ANKDD1A: variants seen among roughly 807,000 people sequenced by gnomAD.
The protein encoded by ANKDD1A is ankyrin repeat and death domain-containing protein 1A.
ANKDD1A carries 59 observed loss-of-function variants against 63.5 expected under a neutral mutation model. The ratio of observed to expected loss-of-function variants is 0.93; its 90% CI spans 0.75 to 1.15. The LOEUF is 1.15. Ranked by LOEUF, ANKDD1A falls within the 50% of genes most tolerant of loss-of-function variation. ANKDD1A has a pLI of 0.00. For missense variants in ANKDD1A, 632 were observed against 656.4 expected (o/e 0.96, Z 0.41); for synonymous variants, 266 against 263.9 (o/e 1.01, Z -0.08).
intron 14 of ANKDD1A, among the ~76,000 whole-genome samples, chr15:64,952,833 CCTT>C (rs2085322079): frequency 2.6e-5 from 3 of 114,632 alleles, no homozygotes; most frequent in Non-Finnish European, 5.6e-5. Context: ...CCTCCTTCTT[CCTT>C]TCTTCTCCTT....
At chr15:64,953,662 T>TCC in intron 14 of ANKDD1A, among the ~76,000 whole-genome samples, 1 of 4,118 alleles carries the variant, frequency 2.4e-4, no homozygotes, top group African/African-American at 2.8e-4. Flanking sequence ...CCTTCTTTTC[T>TCC]TTCTTCTCCT....
intron 1 of ANKDD1A, among the ~76,000 whole-genome samples, chr15:64,914,668 G>A (rs1297982603): frequency 6.6e-6 from 1 of 152,200 alleles, no homozygotes; most frequent in Non-Finnish European, 1.5e-5. Flanking sequence ...ATCAGGAAGG[G>A]TCAAGTGTGG....
intron 14 of ANKDD1A, among the ~76,000 whole-genome samples, chr15:64,954,054 TCC>T (rs1392904815): frequency 8.6e-5 from 2 of 23,166 alleles, no homozygotes; most frequent in African/African-American, 1.4e-4. Context: ...TCTTCTTTTC[TCC>T]TTCTTCTTTC....
chr15:64,953,526 T>TC (rs2085343924), intron 14 of ANKDD1A, among the ~76,000 whole-genome samples: 2 of 63,934 alleles, frequency 3.1e-5, no homozygotes, highest in South Asian at 1.2e-3. Flanking sequence ...TCCTTCTTCC[T>TC]TCTTCTCCTC....
Position 64,930,846 on chromosome 15 carries a change from G to T in ANKDD1A, c.595G>T (p.Ala199Ser). The change falls in exon 7 of 15, where the codon GCT becomes TCT. Residue 199 changes from alanine (A) to serine (S), a missense_variant. Physicochemically the swap from Ala to Ser is moderately conservative, Grantham distance 99 (BLOSUM62 1). Coordinates refer to ENST00000319580, the MANE Select transcript of ANKDD1A (RefSeq NM_182703.6). The stretch of plus-strand genomic sequence containing the variant: ...GGAGGGGAACACTGCCCTTCATCTG[G>T]CTGCTGGTCGGGGCCATATGGCTGT... ...DKEGNTALHL[A>S]AGRGHMAVLQ... The T allele has an allele frequency of 1.2e-6, 2 of 1,613,046 alleles. No homozygotes were observed. The highest frequency in any genetic ancestry group is 8.5e-7 in the Non-Finnish European group (1 of 1,179,960).
At chr15:64,954,073 CTCTTTTCTTCT>C (rs2085373416) in intron 14 of ANKDD1A, among the ~76,000 whole-genome samples, 3 of 86,120 alleles carry the variant, frequency 3.5e-5, no homozygotes, top group South Asian at 2.8e-4. Context: ...TTTCTTCTTC[CTCTTTTCTTCT>C]TCTTTCTCCT....
intron 12 of ANKDD1A, 51 bp from the exon 13 acceptor site, chr15:64,947,351 CCT>C (rs796174371): frequency 7.7e-5 from 122 of 1,578,320 alleles, no homozygotes; most frequent in African/African-American, 4.2e-4. Flanking sequence ...CGGCACTGCC[CCT>C]GTCTGGGATC....
At chr15:64,949,199 T>C (rs2085249171) in intron 13 of ANKDD1A, among the ~76,000 whole-genome samples, 1 of 152,240 alleles carries the variant, frequency 6.6e-6, no homozygotes, top group East Asian at 1.9e-4. Context: ...GAATAACATG[T>C]TAACCCCATG....
intron 14 of ANKDD1A, among the ~76,000 whole-genome samples, chr15:64,955,679 C>CTA (rs1275303103): frequency 2.6e-5 from 4 of 152,074 alleles, no homozygotes; most frequent in Non-Finnish European, 5.9e-5. Flanking sequence ...GTTTAGGAGC[C>CTA]TACATTTTAG....
At chr15:64,922,284 G>A in intron 4 of ANKDD1A, 1 of 451,102 alleles carries the variant, frequency 2.2e-6, no homozygotes, top group Non-Finnish European at 4.0e-6. Flanking sequence ...TAAATGAGAA[G>A]GAGGTGAGGT....
intron 3 of ANKDD1A, among the ~76,000 whole-genome samples, chr15:64,919,222 A>G (rs1026559076): frequency 2.6e-5 from 4 of 152,256 alleles, no homozygotes; most frequent in Non-Finnish European, 5.9e-5. Context: ...TCTGGCTCCC[A>G]TGGCTCTCCC....
chr15:64,954,373 CCTTTTCTTTTCTTCTTCT>C (rs2085383407), intron 14 of ANKDD1A, among the ~76,000 whole-genome samples: 1 of 27,144 alleles, frequency 3.7e-5, no homozygotes, highest in African/African-American at 4.4e-5. Flanking sequence ...CCTTCTTCTT[CCTTTTCTTTTCTTCTTCT>C]TTCTTCTTCC....
At chr15:64,935,254 G>C (rs894841886) in intron 9 of ANKDD1A, among the ~76,000 whole-genome samples, 15 of 150,874 alleles carry the variant, frequency 9.9e-5, no homozygotes, top group African/African-American at 3.7e-4. Context: ...AATTGGGTTG[G>C]GCATGGTGGC....
rs369578168 is a variant in ANKDD1A at position 64,917,492 on chromosome 15, C to G, written c.245C>G (p.Ala82Gly). ...AAVDEEDAVG[A>G]LTEARLCFGM... ...GTGGACGAGGAGGATGCGGTAGGGGCCCTCACAGAGGCACGTCTGTGTGTA... is the reference window on the plus strand; with the variant it reads ...GTGGACGAGGAGGATGCGGTAGGGGGCCTCACAGAGGCACGTCTGTGTGTA... The change falls in exon 3 of 15, where the codon GCC becomes GGC. Residue 82 changes from alanine (A) to glycine (G), a missense_variant. Coordinates refer to ENST00000319580, the MANE Select transcript of ANKDD1A (RefSeq NM_182703.6). 4 of 1,587,170 alleles carry G rather than the reference C, an allele frequency of 2.5e-6. No individual in the cohort carries two copies. The highest frequency in any genetic ancestry group is 3.4e-6 in the Non-Finnish European group (4 of 1,167,166).
intron 13 of ANKDD1A, among the ~76,000 whole-genome samples, chr15:64,949,140 ATCTG>A (rs1260812620): frequency 6.6e-6 from 1 of 152,282 alleles, no homozygotes; most frequent in Non-Finnish European, 1.5e-5. Context: ...GTGGCCCAGC[ATCTG>A]TCTGTTTCCA....
At chr15:64,916,587 G>A (rs535841767) in intron 2 of ANKDD1A, among the ~76,000 whole-genome samples, 9 of 152,208 alleles carry the variant, frequency 5.9e-5, no homozygotes, top group South Asian at 2.1e-4. Context: ...TCAGCCTCCC[G>A]AAGTGCTGGG....
At chr15:64,915,718 G>A (rs1219668876) in intron 1 of ANKDD1A, 79 bp from the exon 2 acceptor site, 17 of 1,246,996 alleles carry the variant, frequency 1.4e-5, no homozygotes, top group Non-Finnish European at 2.0e-5. Context: ...GTTCAGGAGT[G>A]GAAATGGGTT....
chr15:64,953,915 C>T (rs1325322660), intron 14 of ANKDD1A, among the ~76,000 whole-genome samples: 5 of 102,956 alleles, frequency 4.9e-5, no homozygotes, highest in African/African-American at 7.8e-5. Flanking sequence ...CCTCTTCTTT[C>T]TTCTCTTTTT....
At chr15:64,937,799 G>A (rs551030379) in intron 9 of ANKDD1A, among the ~76,000 whole-genome samples, 2 of 152,134 alleles carry the variant, frequency 1.3e-5, no homozygotes, top group Non-Finnish European at 2.9e-5. Context: ...TATATGGAAA[G>A]ACCTTAAAGA....
Sources: allele counts gnomAD v4.1 joint callset (sites outside exome capture counted in the v4.1 genomes callset), GRCh38; gene constraint gnomAD v4.1.1; transcripts MANE v1.5; gene names NCBI Gene and HGNC (gene_info 2026-07-23, HGNC 2026-07-21).